Variants in HERC1 observed in about 807,000 individuals in gnomAD.
HERC1 encodes HECT and RLD domain containing E3 ubiquitin protein ligase family member 1.
HERC1 carries 160 observed loss-of-function variants against 554.3 expected under a neutral mutation model. That is an observed-to-expected ratio of 0.29 (90% confidence interval 0.25 to 0.33). The LOEUF is 0.33. Among genes scored for constraint, HERC1 ranks in the 10% least tolerant of loss-of-function variants. HERC1 has a pLI of 1.00. For synonymous variants in HERC1, 2,175 were observed against 2,131.7 expected (o/e 1.02, Z -0.56); for missense variants, 4,919 against 5,918.5 (o/e 0.83, Z 5.54).
At chr15:63,768,702 A>G (rs2075858580) in intron 2 of HERC1, among the ~76,000 whole-genome samples, 1 of 152,210 alleles carries the variant, frequency 6.6e-6, no homozygotes, top group Non-Finnish European at 1.5e-5. Flanking sequence ...ATGGAGAAAA[A>G]TGTTGAAAAC....
At chr15:63,643,354 A>G (rs1566966088) in intron 58 of HERC1, 50 bp downstream of exon 58, 1 of 1,497,270 alleles carries the variant, frequency 6.7e-7, no homozygotes, top group South Asian at 1.2e-5. Flanking sequence ...CATGTGTTTA[A>G]GTTAGTGTCA....
In HERC1 at chr15:63,616,872, T is replaced by A. The variant is rs1349942604; in HGVS notation, c.13689-190A>T. ...CGGCTTCCCTAATCACACGTTGAGT[T>A]CTCAAAAGCCACATGTGGACCGTAG... On this transcript the variant is annotated intron_variant, in intron 74 of 77. Coordinates refer to ENST00000443617, the MANE Select transcript of HERC1 (RefSeq NM_003922.4). 32 of 579,444 alleles carry A rather than the reference T, an allele frequency of 5.5e-5. 1 individual carries two copies. The highest frequency in any genetic ancestry group is 3.6e-5 in the Non-Finnish European group (12 of 329,456). The allele number at this position is 579,444 out of a possible 1,614,324, so 35.9% of individuals were successfully genotyped here. A position where few individuals can be genotyped will look rare whatever the true frequency, so the allele number is the denominator to read the frequency against.
At chr15:63,711,757 G>A (rs1198418480) in intron 24 of HERC1, among the ~76,000 whole-genome samples, 2 of 152,182 alleles carry the variant, frequency 1.3e-5, no homozygotes, top group East Asian at 1.9e-4. Flanking sequence ...AGATCCCACC[G>A]CTCTTTAACA....
In HERC1 at chr15:63,680,524, T is replaced by C; in HGVS notation, c.6465+13A>G. 1 of 1,611,754 alleles carries C rather than the reference T, an allele frequency of 6.2e-7. No homozygotes were observed. Among genetic ancestry groups the C allele is most frequent in the Non-Finnish European group, 8.5e-7 (1 of 1,178,846 alleles). ...ACAAGAAAAATGTAATGCTTGTGAA[T>C]GGGTGTCGGTACCTCTCCATTTTTC... On this transcript the variant is annotated intron_variant, in intron 35 of 77. Transcript: ENST00000443617. This position sits in a 1 kb window ranked among gnomAD's most constrained non-coding sequence, Gnocchi z 5.8.
intron 36 of HERC1, among the ~76,000 whole-genome samples, chr15:63,679,170 G>A (rs533326778): frequency 5.9e-5 from 9 of 152,178 alleles, no homozygotes; most frequent in South Asian, 2.1e-4. Context: ...GCCATCATTC[G>A]AACCAGAACA....
chr15:63,698,777 C>T lies in HERC1; in HGVS notation c.4856G>A (p.Ser1619Asn), dbSNP rs1199056530. 2 of 1,613,774 alleles carry T rather than the reference C, an allele frequency of 1.2e-6. No homozygotes were observed. Among genetic ancestry groups the T allele is most frequent in the Admixed American group, 3.3e-5 (2 of 59,982 alleles). Residue 1619 changes from serine (S) to asparagine (N), a missense_variant, in exon 26 of 78, where the codon AGT becomes AAT. Ser to Asn is a conservative substitution (Grantham distance 46). Around this residue, in one of 11 missense-constraint regions of HERC1, gnomAD observed 1,121 missense variants for 1,244.0 expected, o/e 0.90. Transcript: ENST00000443617. ...FKEPEESMST[S>N]PQASIIAMEQ... is the part of the protein sequence containing the mutation. ...CATTGCAATGATGGAGGCCTGGGGACTTGTAGACATACTTTCCTCTGGCTC... is the reference window on the plus strand; with the variant it reads ...CATTGCAATGATGGAGGCCTGGGGATTTGTAGACATACTTTCCTCTGGCTC...
intron 2 of HERC1, among the ~76,000 whole-genome samples, chr15:63,772,603 G>C (rs1374175445): frequency 6.6e-6 from 1 of 151,712 alleles, no homozygotes; most frequent in East Asian, 1.9e-4. Context: ...AAAGTATTAA[G>C]AATCAGAAAA....
At chr15:63,760,557 G>C (rs1045209172) in intron 3 of HERC1, among the ~76,000 whole-genome samples, 2 of 150,742 alleles carry the variant, frequency 1.3e-5, no homozygotes, top group African/African-American at 4.9e-5. Flanking sequence ...TGGAACTGAA[G>C]ACTAAACTAG....
chr15:63,631,232 A>G (rs2068541555), intron 68 of HERC1, among the ~76,000 whole-genome samples: 1 of 152,150 alleles, frequency 6.6e-6, no homozygotes, highest in Non-Finnish European at 1.5e-5. Flanking sequence ...TTACCTTGCC[A>G]AACTTCTAGA....
intron 2 of HERC1, among the ~76,000 whole-genome samples, chr15:63,764,446 C>T (rs1337290494): frequency 6.6e-6 from 1 of 152,152 alleles, no homozygotes; most frequent in Non-Finnish European, 1.5e-5. Flanking sequence ...GTGATTTATT[C>T]CAAGGGACAC....
At chr15:63,773,649 T>C (rs2076019475) in intron 2 of HERC1, among the ~76,000 whole-genome samples, 1 of 151,724 alleles carries the variant, frequency 6.6e-6, no homozygotes. Flanking sequence ...GTTCAAGCAA[T>C]TCTCCTGCCT....
chr15:63,806,789 C>T (rs1198820000), intron 1 of HERC1, among the ~76,000 whole-genome samples: 2 of 152,188 alleles, frequency 1.3e-5, no homozygotes, highest in Non-Finnish European at 2.9e-5. Context: ...CCACCCACTC[C>T]GAGACAGTCT....
At chr15:63,767,684 G>A (rs548700469) in intron 2 of HERC1, among the ~76,000 whole-genome samples, 14 of 152,204 alleles carry the variant, frequency 9.2e-5, no homozygotes, top group Admixed American at 5.2e-4. Flanking sequence ...GGAAACAAGA[G>A]CGAGGCTCCG....
At chr15:63,780,086 A>G (rs1183581625) in intron 1 of HERC1, 3 of 152,040 alleles carry the variant, frequency 2.0e-5, no homozygotes, top group Admixed American at 6.6e-5. Context: ...TGAGGTTCCA[A>G]TCTGAATTGC....
chr15:63,641,760 T>A (rs2152842414), intron 59 of HERC1, 117 bp from the exon 60 acceptor site: 16 of 792,606 alleles, frequency 2.0e-5, no homozygotes, highest in Non-Finnish European at 2.8e-5. Flanking sequence ...TTTTGGATAT[T>A]TTATATCCAA....
chr15:63,635,033 A>AT lies in HERC1; in HGVS notation c.12415-146dup, dbSNP rs528511586. 3,795 of 478,944 alleles carry AT rather than the reference A, an allele frequency of 7.9e-3. 4 individuals carry two copies. Among genetic ancestry groups the AT allele is most frequent in the Non-Finnish European group, 9.4e-3 (2,693 of 286,426 alleles). The allele number at this position is 478,944 out of a possible 1,614,324, so 29.7% of individuals were successfully genotyped here. On this transcript the variant is annotated intron_variant, in intron 65 of 77. Coordinates refer to ENST00000443617, the MANE Select transcript of HERC1 (RefSeq NM_003922.4). ...TCTTCAAAGACCAATGCTTTTAAAA[A>AT]TTTTTTTTTTTAATTTTTTTTTAAA... is the stretch of plus-strand genomic sequence containing the variant.
At chr15:63,747,183 G>A in intron 11 of HERC1, 100 bp from the exon 12 acceptor site, 5 of 1,080,082 alleles carry the variant, frequency 4.6e-6, no homozygotes, top group Non-Finnish European at 5.3e-6. Context: ...TTGTTGGCTA[G>A]GTGCGGTGGC....
At chr15:63,651,462 T>G in intron 52 of HERC1, 82 bp from the exon 53 acceptor site, 3 of 1,340,990 alleles carry the variant, frequency 2.2e-6, no homozygotes, top group Non-Finnish European at 3.1e-6. Context: ...AATAAGGGTT[T>G]CATATAGACT....
In HERC1 at chr15:63,693,960, T is replaced by C; in HGVS notation, c.5674+4A>G. Reference sequence around the variant, plus strand: ...GTAAAGACAGAGAAAGAGGCTTACATTACCTCTGAAATCTTTCTTCTCAGT... The same window carrying C: ...GTAAAGACAGAGAAAGAGGCTTACACTACCTCTGAAATCTTTCTTCTCAGT... On this transcript the variant is annotated splice_donor_region_variant and intron_variant, in intron 30 of 77. Coordinates refer to ENST00000443617, the MANE Select transcript of HERC1 (RefSeq NM_003922.4). 1 of 1,550,324 alleles carries C rather than the reference T, an allele frequency of 6.5e-7. No individual in the cohort carries two copies. Among genetic ancestry groups the C allele is most frequent in the Non-Finnish European group, 8.7e-7 (1 of 1,146,534 alleles).
Sources: gnomAD v4.1 joint callset for allele counts (sites outside exome capture counted in the v4.1 genomes callset) on GRCh38, gnomAD v4.1.1 for gene constraint, gnomAD v4.1.1 regional missense constraint, Gnocchi (gnomAD v3.1) non-coding constraint, MANE v1.5 for transcripts, NCBI Gene and HGNC (gene_info 2026-07-23, HGNC 2026-07-21) for gene names.